ROBO2: variants seen among roughly 807,000 people sequenced by gnomAD.
ROBO2 encodes the protein roundabout guidance receptor 2, also known as roundabout homolog 2.
In ROBO2, 53 loss-of-function variants were observed where a neutral mutation model predicts 160.8. That is an observed-to-expected ratio of 0.33 (90% CI 0.26 to 0.41). The LOEUF (loss-of-function observed/expected upper bound fraction) is 0.41. Ranked by LOEUF, ROBO2 falls within the 10% of genes least tolerant of loss-of-function variation. The pLI is 1.00. For missense variants in ROBO2, 1,577 were observed against 1,722.4 expected, an observed-to-expected ratio of 0.92 and a Z score of 1.49; for synonymous variants, 664 against 611.7, an observed-to-expected ratio of 1.09 and a Z score of -1.26.
At chr3:76,365,074 C>T (rs1270511390) in intron 2 of ROBO2, among the ~76,000 whole-genome samples, 1 of 151,518 alleles carries the variant, frequency 6.6e-6, no homozygotes, top group African/African-American at 2.4e-5. Flanking sequence ...AATAAGAAGC[C>T]ACACTTTATT....
At chr3:77,189,491 C>T (rs1341194668) in intron 2 of ROBO2, among the ~76,000 whole-genome samples, 3 of 151,822 alleles carry the variant, frequency 2.0e-5, no homozygotes, top group African/African-American at 7.2e-5. Context: ...TACAAACACT[C>T]AATCACCGTG....
At chr3:77,111,857 A>G (rs1560033887) in intron 2 of ROBO2, among the ~76,000 whole-genome samples, 1 of 152,144 alleles carries the variant, frequency 6.6e-6, no homozygotes, top group Non-Finnish European at 1.5e-5. Context: ...TTATGCATGG[A>G]TTATTGTGAA....
At chr3:77,635,354 G>T (rs1451985465) in intron 24 of ROBO2, among the ~76,000 whole-genome samples, 7 of 151,918 alleles carry the variant, frequency 4.6e-5, no homozygotes, top group African/African-American at 1.7e-4. Flanking sequence ...AACATAAGCT[G>T]CATGTGCACT....
At chr3:77,557,436 T>C (rs1318530639) in intron 8 of ROBO2, among the ~76,000 whole-genome samples, 1 of 151,962 alleles carries the variant, frequency 6.6e-6, no homozygotes, top group African/African-American at 2.4e-5. Context: ...TATTTTAGCC[T>C]GTATAAATAC....
At chr3:76,356,331 A>G (rs1255358326) in intron 2 of ROBO2, among the ~76,000 whole-genome samples, 3 of 151,700 alleles carry the variant, frequency 2.0e-5, no homozygotes, top group Middle Eastern at 3.2e-3. Context: ...GCTAAATACA[A>G]TTATATCAAT....
intron 2 of ROBO2, among the ~76,000 whole-genome samples, chr3:76,431,684 A>G (rs1468071319): frequency 2.0e-5 from 3 of 152,164 alleles, no homozygotes; most frequent in South Asian, 2.1e-4. Flanking sequence ...TTGATGCCAA[A>G]TGAGTATTTC....
At chr3:76,435,414 G>T in intron 2 of ROBO2, 1 of 777,396 alleles carries the variant, frequency 1.3e-6, no homozygotes, top group East Asian at 2.4e-5. Context: ...CACAGTGACA[G>T]AAATTGCTGG....
At chr3:76,551,271 A>G (rs1404214956) in intron 2 of ROBO2, among the ~76,000 whole-genome samples, 1 of 152,086 alleles carries the variant, frequency 6.6e-6, no homozygotes, top group Non-Finnish European at 1.5e-5. Flanking sequence ...GACCTGCCTG[A>G]TGGAACAGAA....
chr3:76,039,172 A>T (rs1371230620), intron 2 of ROBO2, among the ~76,000 whole-genome samples: 2 of 152,010 alleles, frequency 1.3e-5, no homozygotes, highest in Non-Finnish European at 2.9e-5. Flanking sequence ...CTAGAGAAGG[A>T]TGCGGTACAG....
intron 2 of ROBO2, among the ~76,000 whole-genome samples, chr3:76,890,689 G>A (rs73124049): frequency 3.3e-5 from 5 of 152,214 alleles, no homozygotes; most frequent in Non-Finnish European, 7.4e-5. Flanking sequence ...TATTGACTGT[G>A]TAACTTTGCC....
chr3:77,446,095 G>A (rs181070864), intron 2 of ROBO2, among the ~76,000 whole-genome samples: 4 of 152,070 alleles, frequency 2.6e-5, no homozygotes, highest in South Asian at 2.1e-4. Context: ...AGAAATCATT[G>A]AATTATTTGC....
intron 12 of ROBO2, among the ~76,000 whole-genome samples, chr3:77,566,097 A>T (rs1348451140): frequency 6.6e-6 from 1 of 152,150 alleles, no homozygotes; most frequent in East Asian, 1.9e-4. Flanking sequence ...GAAAAGCACC[A>T]TACAGCCATA....
At chr3:77,614,566 T>C (rs2094723278) in intron 21 of ROBO2, among the ~76,000 whole-genome samples, 1 of 152,204 alleles carries the variant, frequency 6.6e-6, no homozygotes, top group South Asian at 2.1e-4. Flanking sequence ...GCAACTCACT[T>C]AGGTAGCCTC....
chr3:77,474,982 A>G (rs180755216), intron 2 of ROBO2, among the ~76,000 whole-genome samples: 90 of 152,316 alleles, frequency 5.9e-4, no homozygotes, highest in African/African-American at 2.1e-3. Flanking sequence ...AAAATTTGAG[A>G]AGAGTAAAAA....
chr3:76,671,913 A>T (rs1176875948), intron 2 of ROBO2, among the ~76,000 whole-genome samples: 2 of 152,004 alleles, frequency 1.3e-5, no homozygotes, highest in Non-Finnish European at 2.9e-5. Flanking sequence ...GTTATGGTTG[A>T]TTCAGAAACT....
intron 2 of ROBO2, among the ~76,000 whole-genome samples, chr3:77,256,211 TG>T (rs1223915943): frequency 6.6e-6 from 1 of 152,202 alleles, no homozygotes; most frequent in Non-Finnish European, 1.5e-5. Context: ...TTACAGCACA[TG>T]ACAATAGATG....
intron 2 of ROBO2, among the ~76,000 whole-genome samples, chr3:77,434,743 A>C (rs1221215467): frequency 6.6e-6 from 1 of 152,136 alleles, no homozygotes; most frequent in Non-Finnish European, 1.5e-5. Context: ...AGAGCAAATC[A>C]ATATGTAACA....
intron 2 of ROBO2, among the ~76,000 whole-genome samples, chr3:76,447,606 G>A (rs1405486988): frequency 2.0e-5 from 3 of 149,752 alleles, no homozygotes; most frequent in South Asian, 2.2e-4. Context: ...TGTATATTGC[G>A]GCACTATTCA....
At chr3:76,096,588 CT>C (rs1473595665) in intron 2 of ROBO2, among the ~76,000 whole-genome samples, 2 of 152,034 alleles carry the variant, frequency 1.3e-5, no homozygotes, top group Non-Finnish European at 2.9e-5. Flanking sequence ...GAATTTATCT[CT>C]GAATTTCTAT....
Sources: allele counts gnomAD v4.1 joint callset (sites outside exome capture counted in the v4.1 genomes callset), GRCh38; gene constraint gnomAD v4.1.1; transcripts MANE v1.5; gene names NCBI Gene and HGNC (gene_info 2026-07-23, HGNC 2026-07-21).